Variants in LARGE1 observed in about 807,000 individuals in gnomAD.
LARGE1 encodes the protein LARGE xylosyl- and glucuronyltransferase 1, also known as xylosyl- and glucuronyltransferase LARGE1.
In LARGE1, 43 loss-of-function variants were observed where a neutral mutation model predicts 87.6. The ratio of observed to expected loss-of-function variants is 0.49; its 90% CI spans 0.38 to 0.63. LARGE1 has a LOEUF of 0.63. LARGE1 is among the 30% of genes least tolerant of loss of function. The pLI is 0.00. For synonymous variants in LARGE1, 434 were observed against 394.6 expected (o/e 1.10, Z -1.18); for missense variants, 802 against 1,000.2 (o/e 0.80, Z 2.67).
At chr22:33,210,298 A>G (rs925927553) in intron 11 of LARGE1, among the ~76,000 whole-genome samples, 11 of 152,224 alleles carry the variant, frequency 7.2e-5, no homozygotes, top group Non-Finnish European at 1.5e-5. Context: ...GGTCTGGCAG[A>G]TAGACGGGGG....
intron 7 of LARGE1, among the ~76,000 whole-genome samples, chr22:33,397,208 T>G (rs1016277500): frequency 2.0e-5 from 3 of 152,242 alleles, no homozygotes; most frequent in African/African-American, 7.2e-5. Context: ...CTCTGCCTCC[T>G]GGGTCCAAGC....
intron 9 of LARGE1, among the ~76,000 whole-genome samples, chr22:33,346,034 A>G (rs1226638794): frequency 6.6e-6 from 1 of 152,180 alleles, no homozygotes; most frequent in Non-Finnish European, 1.5e-5. Context: ...GACCCACAGA[A>G]TAACACCTAG....
chr22:33,519,235 C>CGTGT (rs3071590), intron 6 of LARGE1, among the ~76,000 whole-genome samples: 39,155 of 149,480 alleles, frequency 0.26, 6,064 homozygotes, highest in Non-Finnish European at 0.35. Flanking sequence ...CGTGCGCGCG[C>CGTGT]GTGTGTGTGT....
chr22:33,738,739 G>A (rs1019088697), intron 2 of LARGE1, among the ~76,000 whole-genome samples: 4 of 151,968 alleles, frequency 2.6e-5, no homozygotes, highest in African/African-American at 9.7e-5. Flanking sequence ...CAGCTACTTG[G>A]GAGGCTGAGG....
intron 7 of LARGE1, among the ~76,000 whole-genome samples, chr22:33,422,180 T>C (rs1826687075): frequency 6.6e-6 from 1 of 152,156 alleles, no homozygotes; most frequent in African/African-American, 2.4e-5. Flanking sequence ...TTCCCAGGAG[T>C]GTCCAGCACA....
At chr22:33,433,351 C>T (rs2067149017) in intron 6 of LARGE1, among the ~76,000 whole-genome samples, 1 of 152,088 alleles carries the variant, frequency 6.6e-6, no homozygotes, top group Admixed American at 6.6e-5. Context: ...AATCCCAGCA[C>T]TTTGGGAGGC....
intron 11 of LARGE1, among the ~76,000 whole-genome samples, chr22:33,247,553 T>G (rs564593727): frequency 5.3e-5 from 8 of 152,372 alleles, no homozygotes; most frequent in African/African-American, 1.7e-4. Context: ...TTGATTGATA[T>G]TCATCTTTCA....
chr22:33,459,473 G>A (rs1405482147), intron 6 of LARGE1, among the ~76,000 whole-genome samples: 3 of 148,294 alleles, frequency 2.0e-5, no homozygotes, highest in Non-Finnish European at 4.4e-5. Context: ...GACATTGCAG[G>A]GTTTGGCACA....
intron 11 of LARGE1, among the ~76,000 whole-genome samples, chr22:33,236,020 G>A (rs1322993713): frequency 2.6e-5 from 4 of 152,206 alleles, no homozygotes; most frequent in Non-Finnish European, 5.9e-5. Context: ...AGAAAGCCAT[G>A]TGATGATGGA....
In LARGE1 at chr22:33,386,930, C is replaced by T. The variant is rs1003283539; in HGVS notation, c.893-2626G>A. On this transcript the variant is annotated intron_variant, in intron 7 of 14. Transcript: ENST00000397394. ...CAGCCTGGCCAACATGGTGAAACCC[C>T]GTCTCTACTAAAAATACAAAAAAAT... Among the ~76,000 whole-genome samples, 5 of 147,224 alleles carry T rather than the reference C, an allele frequency of 3.4e-5. 1 individual carries two copies. Among genetic ancestry groups the T allele is most frequent in the Non-Finnish European group, 6.1e-5 (4 of 65,956 alleles).
At chr22:33,252,895 A>G (rs1353912078) in intron 11 of LARGE1, among the ~76,000 whole-genome samples, 1 of 152,198 alleles carries the variant, frequency 6.6e-6, no homozygotes, top group East Asian at 1.9e-4. Context: ...TAACGTCATC[A>G]TGGTCTTTGA....
chr22:33,100,349 C>CAAAAAAAAAAAAAAAAAAAAAAAGAAA, the LARGE1 span, among the ~76,000 whole-genome samples: 1 of 65,318 alleles, frequency 1.5e-5, no homozygotes, highest in Non-Finnish European at 2.7e-5. Context: ...GACTCCATCT[C>CAAAAAAAAAAAAAAAAAAAAAAAGAAA]AAAAAAAAAA....
At chr22:33,673,978 T>TGTGG (rs375222424) in intron 2 of LARGE1, among the ~76,000 whole-genome samples, 5,129 of 145,120 alleles carry the variant, frequency 0.035, 171 homozygotes, top group African/African-American at 0.069. Flanking sequence ...TTTTGTGTGT[T>TGTGG]GTGTATTTTT....
rs1465308628 is a variant in LARGE1, at chr22:33,373,528, T to G, written c.1131+8391A>C. Among the ~76,000 whole-genome samples the G allele has an allele frequency of 1.3e-5, 2 of 152,194 alleles. 1 individual carries two copies. The highest frequency in any genetic ancestry group is 3.9e-4 in the East Asian group (2 of 5,190). ...AAGTTCAACTTTTGCTATATCTTGC[T>G]GCATGTGATTTTCAGGTCATACATC... On this transcript the variant is annotated intron_variant, in intron 9 of 14. Coordinates refer to ENST00000397394, the MANE Select transcript of LARGE1 (RefSeq NM_133642.5).
Position 33,386,468 on chromosome 22 carries a change from GA to G in LARGE1, c.893-2165del, listed in dbSNP as rs762229060. On this transcript the variant is annotated intron_variant, in intron 7 of 14. Transcript: ENST00000397394. The stretch of plus-strand genomic sequence containing the variant: ...AATGCTACTTGCCCTGCACAGCTCA[GA>G]AAACTGTTGCGCACTCTTGTGGTAG... Among the ~76,000 whole-genome samples the G allele has an allele frequency of 1.1e-4, 17 of 147,974 alleles. 1 individual carries two copies. Among genetic ancestry groups the G allele is most frequent in the Admixed American group, 2.7e-4 (4 of 14,862 alleles).
the LARGE1 span, among the ~76,000 whole-genome samples, chr22:33,067,918 T>G: frequency 6.6e-6 from 1 of 151,836 alleles, no homozygotes; most frequent in Non-Finnish European, 1.5e-5. Flanking sequence ...AGGCAGAGGT[T>G]GCAGTGAGCT....
chr22:33,469,720 C>T (rs949772705), intron 6 of LARGE1, among the ~76,000 whole-genome samples: 10 of 151,506 alleles, frequency 6.6e-5, no homozygotes, highest in South Asian at 2.1e-4. Flanking sequence ...TCCAGCTACT[C>T]GAGAGGCTAA....
chr22:33,133,592 G>C, the LARGE1 span, among the ~76,000 whole-genome samples: 1 of 152,150 alleles, frequency 6.6e-6, no homozygotes, highest in Admixed American at 6.5e-5. Context: ...ATGGGCATTT[G>C]GGTTGGTTCC....
intron 12 of LARGE1, among the ~76,000 whole-genome samples, chr22:33,289,267 A>G (rs1245424528): frequency 1.3e-5 from 2 of 152,112 alleles, no homozygotes; most frequent in Non-Finnish European, 2.9e-5. Flanking sequence ...TGGACCAAGG[A>G]GTTCTTAAAA....
Sources: gnomAD v4.1 joint callset for allele counts (sites outside exome capture counted in the v4.1 genomes callset) on GRCh38, gnomAD v4.1.1 for gene constraint, MANE v1.5 for transcripts, NCBI Gene and HGNC (gene_info 2026-07-23, HGNC 2026-07-21) for gene names.